SHISA5: variants seen among roughly 807,000 people sequenced by gnomAD.
SHISA5 encodes the protein protein shisa-5.
In SHISA5, 21 loss-of-function variants were observed where a neutral mutation model predicts 27.5. The ratio of observed to expected loss-of-function variants is 0.76; its 90% confidence interval spans 0.54 to 1.10. SHISA5 has a LOEUF of 1.10. Among genes scored for constraint, SHISA5 ranks in the 50% least tolerant of loss-of-function variants. The pLI is 0.00. For missense variants in SHISA5, 314 were observed against 336.3 expected (o/e 0.93, Z 0.52); for synonymous variants, 137 against 142.2 (o/e 0.96, Z 0.26).
chr3:48,469,680 C>T lies in SHISA5; in HGVS notation c.430+48G>A. ...AGCCAAAGCAGGGCCTGGTCAGCTTCCCTTACCACCCCAGGGGGTCACAGT... is the reference window on the plus strand; with the variant it reads ...AGCCAAAGCAGGGCCTGGTCAGCTTTCCTTACCACCCCAGGGGGTCACAGT... On this transcript the variant is annotated intron_variant, in intron 4 of 5. Coordinates refer to ENST00000296444, the MANE Select transcript of SHISA5 (RefSeq NM_016479.6). The surrounding 1 kb of genome is among the most constrained non-coding windows in gnomAD (Gnocchi z 4.6). The T allele has an allele frequency of 6.2e-7, 1 of 1,610,168 alleles. No homozygotes were observed. The highest frequency in any genetic ancestry group is 8.5e-7 in the Non-Finnish European group (1 of 1,178,022).
intron 2 of SHISA5, among the ~76,000 whole-genome samples, chr3:48,485,124 G>A (rs762725570): frequency 2.0e-5 from 3 of 151,796 alleles, no homozygotes; most frequent in South Asian, 2.1e-4. Context: ...GCAGTGAGCC[G>A]TGATCATGCC....
intron 3 of SHISA5, among the ~76,000 whole-genome samples, chr3:48,471,460 C>CAGG (rs1560118905): frequency 1.4e-5 from 2 of 147,676 alleles, no homozygotes; most frequent in African/African-American, 5.0e-5. Context: ...GAGGCTGAGG[C>CAGG]AGGAGAATCG....
intron 1 of SHISA5, chr3:48,503,774 C>A (rs1251592842): frequency 3.2e-6 from 4 of 1,244,526 alleles, no homozygotes; most frequent in Non-Finnish European, 4.0e-6. Flanking sequence ...GCAGACCCCT[C>A]CCCACCGTTC....
At chr3:48,490,981 A>G (rs2041403460) in intron 2 of SHISA5, among the ~76,000 whole-genome samples, 1 of 152,204 alleles carries the variant, frequency 6.6e-6, no homozygotes, top group African/African-American at 2.4e-5. Context: ...TTCCTTTTCT[A>G]TCAATCAATT....
chr3:48,484,504 G>A (rs2041134098), intron 2 of SHISA5, among the ~76,000 whole-genome samples: 1 of 152,112 alleles, frequency 6.6e-6, no homozygotes, highest in Non-Finnish European at 1.5e-5. Flanking sequence ...GCGGAGACAG[G>A]AGAATTGCTT....
intron 2 of SHISA5, among the ~76,000 whole-genome samples, chr3:48,491,856 C>A (rs2041437595): frequency 6.6e-6 from 1 of 151,954 alleles, no homozygotes; most frequent in Non-Finnish European, 1.5e-5. Context: ...GCCCTGGCTA[C>A]ACTTCCTACT....
chr3:48,496,726 T>C (rs1172232005), intron 2 of SHISA5, among the ~76,000 whole-genome samples: 1 of 150,596 alleles, frequency 6.6e-6, no homozygotes, highest in East Asian at 1.9e-4. Flanking sequence ...AGAGCTAGAC[T>C]TCGTCTCAAA....
chr3:48,472,605 C>A (rs2040675105), intron 3 of SHISA5, among the ~76,000 whole-genome samples: 1 of 152,146 alleles, frequency 6.6e-6, no homozygotes, highest in African/African-American at 2.4e-5. Flanking sequence ...CAAACACATC[C>A]AAAAACTCTA....
At chr3:48,477,246 C>G (rs1317863159) in intron 3 of SHISA5, among the ~76,000 whole-genome samples, 1 of 152,110 alleles carries the variant, frequency 6.6e-6, no homozygotes, top group Non-Finnish European at 1.5e-5. Context: ...AGGCACCCGC[C>G]AACACGCCCA....
chr3:48,499,678 C>T (rs1210700861), intron 2 of SHISA5, among the ~76,000 whole-genome samples: 2 of 132,358 alleles, frequency 1.5e-5, no homozygotes, highest in Non-Finnish European at 3.2e-5. Context: ...CAGAGCGAGA[C>T]TCTGTCTAAA....
chr3:48,475,924 C>T (rs2040811972), intron 3 of SHISA5, among the ~76,000 whole-genome samples: 1 of 152,172 alleles, frequency 6.6e-6, no homozygotes, highest in African/African-American at 2.4e-5. Context: ...CCTGAGCCCA[C>T]AAATAGGGCC....
At position 48,479,283 on chromosome 3, in the gene SHISA5, GCACAATGAAGCCC is replaced by G. The variant is rs764515097; in HGVS notation, c.234-39_234-27del. The G allele has an allele frequency of 6.3e-6, 10 of 1,586,790 alleles. No individual in the cohort carries two copies. In the Admixed American group the frequency reaches 1.2e-4, roughly 20 times the overall value. On this transcript the variant is annotated intron_variant, in intron 2 of 5. Transcript: ENST00000296444. ...CTGCAAACAGGAAACCTTGTGATTAGCACAATGAAGCCCCACCGAGCGCCAGCACAAACACTAC... is the reference window on the plus strand; with the variant it reads ...CTGCAAACAGGAAACCTTGTGATTAGCACCGAGCGCCAGCACAAACACTAC...
At chr3:48,502,555 T>TGTG (rs1050068545) in intron 1 of SHISA5, 12 of 352,100 alleles carry the variant, frequency 3.4e-5, no homozygotes, top group Admixed American at 1.1e-4. Context: ...TGACAACAAA[T>TGTG]GTGGAAAATA....
intron 2 of SHISA5, among the ~76,000 whole-genome samples, chr3:48,490,562 T>TA (rs1411821930): frequency 6.6e-6 from 1 of 152,200 alleles, no homozygotes; most frequent in Admixed American, 6.6e-5. Context: ...TGATTTTTTT[T>TA]ATCTCGCCCA....
chr3:48,488,889 A>G, intron 2 of SHISA5, among the ~76,000 whole-genome samples: 1 of 152,110 alleles, frequency 6.6e-6, no homozygotes, highest in East Asian at 1.9e-4. Context: ...CAAAAAAAGA[A>G]CTAGAATTTA....
chr3:48,501,002 C>A (rs1053036609), intron 2 of SHISA5, 135 bp downstream of exon 2: 3 of 1,026,826 alleles, frequency 2.9e-6, no homozygotes, highest in Admixed American at 5.4e-5. Context: ...GATCCCTAAA[C>A]CCTCTGCTCC....
chr3:48,474,061 C>T (rs1359221305), intron 3 of SHISA5, among the ~76,000 whole-genome samples: 2 of 150,160 alleles, frequency 1.3e-5, no homozygotes, highest in Non-Finnish European at 3.0e-5. Flanking sequence ...TCTCACCAGA[C>T]AGTGAAATTT....
intron 2 of SHISA5, among the ~76,000 whole-genome samples, chr3:48,490,056 C>CCGTTTTTTTTGTTGTTGTTG (rs1450793178): frequency 6.6e-6 from 1 of 152,086 alleles, no homozygotes; most frequent in Non-Finnish European, 1.5e-5. Flanking sequence ...GCCGCCACCT[C>CCGTTTTTTTTGTTGTTGTTG]CGTTTTTTTT....
At position 48,469,549 on chromosome 3, in the gene SHISA5, G is replaced by T; in HGVS notation, c.455C>A (p.Thr152Asn). ...PRPVVTTTTS[T>N]TVVHAPYPQP... ...AGGATAAGGGGCATGCACCACAGTG[G>T]TGGATGTGGTGGTGGTGACAACCGC... Residue 152 changes from threonine to asparagine, a missense_variant, in exon 5 of 6, where the codon ACC (threonine) becomes AAC (asparagine). Transcript: ENST00000296444. The surrounding 1 kb of genome is among the most constrained non-coding windows in gnomAD (Gnocchi z 4.6). 1.2e-6 allele frequency: 2 copies of T among 1,610,278 alleles called. No individual in the cohort carries two copies. Among genetic ancestry groups the T allele is most frequent in the Non-Finnish European group, 1.7e-6 (2 of 1,177,366 alleles).
Sources: allele counts gnomAD v4.1 joint callset (sites outside exome capture counted in the v4.1 genomes callset), GRCh38; gene constraint gnomAD v4.1.1; non-coding constraint Gnocchi (gnomAD v3.1); transcripts MANE v1.5; gene names NCBI Gene and HGNC (gene_info 2026-07-23, HGNC 2026-07-21).